Variants in ZNF385D observed in about 807,000 individuals in gnomAD.
ZNF385D encodes zinc finger protein 659.
A neutral mutation model predicts 35.8 loss-of-function variants in ZNF385D; 15 were observed. The observed-to-expected ratio is 0.42, with a 90% CI of 0.28 to 0.64. The LOEUF (loss-of-function observed/expected upper bound fraction) is 0.64, where lower values mean the gene tolerates loss of function less well. Among genes scored for constraint, ZNF385D ranks in the 30% least tolerant of loss-of-function variants. The pLI, the probability that ZNF385D is intolerant of heterozygous loss-of-function variation, is 0.23. For missense variants in ZNF385D, 474 were observed against 494.6 expected (o/e 0.96, Z 0.39); for synonymous variants, 212 against 186.8 (o/e 1.13, Z -1.10).
At chr3:22,035,209 T>C (rs17010648) in intron 3 of ZNF385D, among the ~76,000 whole-genome samples, 5,658 of 152,234 alleles carry the variant, frequency 0.037, 369 homozygotes, top group African/African-American at 0.13. Flanking sequence ...ATAACTGGGT[T>C]CAATACAACT....
Position 22,313,563 on chromosome 3 carries a change from A to G in ZNF385D, c.106+58887T>C, listed in dbSNP as rs368585642. Among the ~76,000 whole-genome samples the G allele has an allele frequency of 1.9e-3, 283 of 152,242 alleles. 3 individuals are homozygous for G. Among genetic ancestry groups the G allele is most frequent in the African/African-American group, 5.5e-3 (228 of 41,560 alleles). On this transcript the variant is annotated intron_variant, in intron 2 of 5. Coordinates refer to the ZNF385D transcript ENST00000494108. ...AACATGTTTTTAAAAAAGATATTAC[A>G]AAACAGACAACTCAAGAATTTTATG...
At chr3:21,861,092 A>T (rs1313273358) in intron 3 of ZNF385D, among the ~76,000 whole-genome samples, 1 of 152,134 alleles carries the variant, frequency 6.6e-6, no homozygotes, top group Non-Finnish European at 1.5e-5. Context: ...GGTCAAACAA[A>T]AATATTTTAG....
At chr3:21,775,456 A>G (rs901297697) in intron 3 of ZNF385D, among the ~76,000 whole-genome samples, 1 of 151,894 alleles carries the variant, frequency 6.6e-6, no homozygotes, top group Non-Finnish European at 1.5e-5. Context: ...GAGGGCTTGG[A>G]AAGTACTGCT....
chr3:21,605,423 G>A (rs1051889247), intron 2 of ZNF385D, among the ~76,000 whole-genome samples: 6 of 152,142 alleles, frequency 3.9e-5, no homozygotes, highest in Admixed American at 6.5e-5. Flanking sequence ...CGTGCCTATC[G>A]TTAAATTTTC....
intron 3 of ZNF385D, among the ~76,000 whole-genome samples, chr3:21,895,025 G>C (rs934182340): frequency 1.3e-5 from 2 of 152,094 alleles, no homozygotes; most frequent in Admixed American, 6.6e-5. Context: ...ATACCACAGA[G>C]TAAATAGCAG....
At chr3:21,932,422 T>A (rs1018336596) in intron 3 of ZNF385D, among the ~76,000 whole-genome samples, 9 of 151,462 alleles carry the variant, frequency 5.9e-5, no homozygotes, top group East Asian at 1.9e-4. Context: ...ATTTTTTTTT[T>A]AATTTTAAGT....
chr3:21,758,089 T>G (rs1274126156), intron 3 of ZNF385D, among the ~76,000 whole-genome samples: 1 of 152,186 alleles, frequency 6.6e-6, no homozygotes, highest in Non-Finnish European at 1.5e-5. Flanking sequence ...TTCTGAGATA[T>G]TTTCCCCAGG....
chr3:21,565,336 C>T (rs1192664915), intron 2 of ZNF385D, among the ~76,000 whole-genome samples: 1 of 152,000 alleles, frequency 6.6e-6, no homozygotes, highest in African/African-American at 2.4e-5. Flanking sequence ...CAGGACAGGA[C>T]AAACAACAAG....
intron 2 of ZNF385D, among the ~76,000 whole-genome samples, chr3:22,248,160 C>G (rs199802960): frequency 6.6e-6 from 1 of 152,056 alleles, no homozygotes; most frequent in Non-Finnish European, 1.5e-5. Context: ...ATTTTGTATT[C>G]TAGTGTAATC....
At chr3:21,931,730 T>TG (rs947259266) in intron 3 of ZNF385D, among the ~76,000 whole-genome samples, 2 of 152,090 alleles carry the variant, frequency 1.3e-5, no homozygotes, top group African/African-American at 4.8e-5. Context: ...GAGGGGTATT[T>TG]GGGGGATGAT....
intron 2 of ZNF385D, among the ~76,000 whole-genome samples, chr3:21,654,053 C>T (rs571204143): frequency 6.6e-6 from 1 of 151,454 alleles, no homozygotes; most frequent in Admixed American, 6.6e-5. Context: ...TTAAAATGCC[C>T]CAATCTATTG....
chr3:21,605,172 G>GA (rs1416275659), intron 2 of ZNF385D, among the ~76,000 whole-genome samples: 2 of 152,186 alleles, frequency 1.3e-5, no homozygotes, highest in Non-Finnish European at 2.9e-5. Context: ...GAGATCATTG[G>GA]AGGGGGGCTG....
chr3:21,912,562 C>G (rs9870527), intron 3 of ZNF385D, among the ~76,000 whole-genome samples: 3 of 151,934 alleles, frequency 2.0e-5, no homozygotes, highest in Admixed American at 6.6e-5. Flanking sequence ...TCGAAGCACT[C>G]CAGTGGATTG....
intron 3 of ZNF385D, among the ~76,000 whole-genome samples, chr3:22,156,261 G>C (rs1239659877): frequency 2.0e-5 from 3 of 152,030 alleles, no homozygotes; most frequent in Non-Finnish European, 4.4e-5. Flanking sequence ...AAATATTGCT[G>C]AAAGGAAGTA....
chr3:22,236,597 C>T lies in ZNF385D; in HGVS notation c.107-67562G>A, dbSNP rs539208700. 9.9e-5 allele frequency among the ~76,000 whole-genome samples: 15 copies of T among 152,116 alleles called. No homozygotes were observed. In the East Asian group the frequency reaches 2.9e-3, roughly 29 times the overall value. ...CATAATATTCACCCTTTTAAAGTGC[C>T]CAATTCAGAGATTCTCAGTATATTC... On this transcript the variant is annotated intron_variant, in intron 2 of 5. Transcript: ENST00000494108.
At chr3:22,117,382 A>C (rs1702866090) in intron 3 of ZNF385D, among the ~76,000 whole-genome samples, 1 of 152,138 alleles carries the variant, frequency 6.6e-6, no homozygotes, top group South Asian at 2.1e-4. Context: ...TATGAGTGTT[A>C]GTTGTGAGCT....
At chr3:22,090,399 A>T (rs2620539) in intron 3 of ZNF385D, among the ~76,000 whole-genome samples, 1 of 151,832 alleles carries the variant, frequency 6.6e-6, no homozygotes, top group Non-Finnish European at 1.5e-5. Flanking sequence ...GAAGCCAGTG[A>T]CTTAAGAGCC....
intron 3 of ZNF385D, among the ~76,000 whole-genome samples, chr3:21,958,574 G>A (rs9873232): frequency 0.68 from 103,858 of 151,914 alleles, 36,666 homozygotes; most frequent in Non-Finnish European, 0.77. Flanking sequence ...TCTAATAAAA[G>A]ATAAAACCAT....
At chr3:21,634,668 A>G (rs546408114) in intron 2 of ZNF385D, among the ~76,000 whole-genome samples, 2 of 152,160 alleles carry the variant, frequency 1.3e-5, no homozygotes, top group Non-Finnish European at 2.9e-5. Context: ...TAACTACATA[A>G]TATAACGTTC....
Sources: allele counts gnomAD v4.1 joint callset (sites outside exome capture counted in the v4.1 genomes callset), GRCh38; gene constraint gnomAD v4.1.1; transcripts MANE v1.5; gene names NCBI Gene and HGNC (gene_info 2026-07-23, HGNC 2026-07-21).